OPCML: variants seen among roughly 807,000 people sequenced by gnomAD.
The protein encoded by OPCML is opioid binding protein/cell adhesion molecule like.
A neutral mutation model predicts 37.8 loss-of-function variants in OPCML; 13 were observed. That is an observed-to-expected ratio of 0.34 (90% CI 0.22 to 0.55). The LOEUF (loss-of-function observed/expected upper bound fraction) is 0.55. Among genes scored for constraint, OPCML ranks in the 20% least tolerant of loss-of-function variants. The pLI, the probability that OPCML is intolerant of heterozygous loss-of-function variation, is 0.91. For synonymous variants in OPCML, 176 were observed against 168.8 expected (o/e 1.04, Z -0.33); for missense variants, 341 against 435.6 (o/e 0.78, Z 1.93).
intron 4 of OPCML, among the ~76,000 whole-genome samples, chr11:132,447,823 C>G (rs141568137): frequency 6.6e-6 from 1 of 152,156 alleles, no homozygotes; most frequent in African/African-American, 2.4e-5. Flanking sequence ...AGGGTGTGGC[C>G]GCTCCAATGT....
In OPCML at chr11:132,588,773, C is replaced by T. The variant is rs1349618908; in HGVS notation, c.380-59587G>A. 2.6e-5 allele frequency among the ~76,000 whole-genome samples: 4 copies of T among 152,310 alleles called. 1 individual carries two copies. The East Asian group carries it at 5.8e-4, about 22-fold the overall frequency. On this transcript the variant is annotated intron_variant, in intron 3 of 7. Transcript: ENST00000524381. ...TGAAAGTCTCACCAGGGATTGGCCA[C>T]AGCTTCACCTGTAGCCAGGTTGTGC...
intron 1 of OPCML, among the ~76,000 whole-genome samples, chr11:133,358,472 G>A (rs759380897): frequency 1.1e-4 from 17 of 152,122 alleles, no homozygotes; most frequent in Non-Finnish European, 1.8e-4. Flanking sequence ...TTATTTCTTC[G>A]TCGTCATTTA....
In OPCML at chr11:132,801,853, C is replaced by A. The variant is rs141648191; in HGVS notation, c.146+141073G>T. Among the ~76,000 whole-genome samples, 67 of 152,302 alleles carry A rather than the reference C, an allele frequency of 4.4e-4. No homozygotes were observed. The East Asian group carries it at 0.012, about 27-fold the overall frequency. ...ATGTGCTTATTATGAAAGATAATGT[C>A]TGCCCTCAAAGCAATTACATTTTGA... On this transcript the variant is annotated intron_variant, in intron 2 of 7. Coordinates refer to ENST00000524381, the MANE Select transcript of OPCML (RefSeq NM_001012393.5).
intron 1 of OPCML, among the ~76,000 whole-genome samples, chr11:133,250,382 GA>G (rs1941085499): frequency 6.6e-6 from 1 of 151,072 alleles, no homozygotes; most frequent in Non-Finnish European, 1.5e-5. Context: ...AAAAAGAAAT[GA>G]GGAAGGAAGA....
intron 1 of OPCML, among the ~76,000 whole-genome samples, chr11:133,494,387 C>T (rs1356424581): frequency 6.6e-6 from 1 of 151,552 alleles, no homozygotes; most frequent in Non-Finnish European, 1.5e-5. Flanking sequence ...ACCCAAAGGA[C>T]TATAAATCAT....
At chr11:132,741,793 G>C (rs958146646) in intron 2 of OPCML, among the ~76,000 whole-genome samples, 21 of 152,022 alleles carry the variant, frequency 1.4e-4, no homozygotes, top group South Asian at 6.2e-4. Context: ...TTGGGAGGCC[G>C]AGGCAAGCAG....
intron 1 of OPCML, among the ~76,000 whole-genome samples, chr11:133,388,860 T>G (rs1821948953): frequency 6.6e-6 from 1 of 152,192 alleles, no homozygotes; most frequent in South Asian, 2.1e-4. Context: ...CAAATTAAAT[T>G]TTCTTGAAGA....
At chr11:133,464,482 C>A (rs11223477) in intron 1 of OPCML, among the ~76,000 whole-genome samples, 20,102 of 152,064 alleles carry the variant, frequency 0.13, 3,166 homozygotes, top group African/African-American at 0.37. Flanking sequence ...GGCAGGAGAC[C>A]CTCATTGGAT....
At chr11:133,513,120 T>C (rs1244087776) in intron 1 of OPCML, among the ~76,000 whole-genome samples, 1 of 151,992 alleles carries the variant, frequency 6.6e-6, no homozygotes, top group African/African-American at 2.4e-5. Context: ...AACAGAAGAA[T>C]ATGAAGAGAG....
At chr11:132,426,887 C>G (rs930862085) in intron 7 of OPCML, among the ~76,000 whole-genome samples, 1 of 152,186 alleles carries the variant, frequency 6.6e-6, no homozygotes, top group African/African-American at 2.4e-5. Context: ...TCTTGAGTGG[C>G]AGGTGTTGAC....
At position 133,034,359 on chromosome 11, in the gene OPCML, G is replaced by C. The variant is rs116471048; in HGVS notation, c.62-91349C>G. Among the ~76,000 whole-genome samples, 441 of 150,416 alleles carry C rather than the reference G, an allele frequency of 2.9e-3. 2 individuals carry two copies. Among genetic ancestry groups the C allele is most frequent in the African/African-American group, 0.01 (420 of 40,620 alleles). ...TGTGTGTGACAGACAGAGGGAGAGA[G>C]AGAGACAGAGGGAATGCATGCAAGT... On this transcript the variant is annotated intron_variant, in intron 1 of 7. Coordinates refer to ENST00000524381, the MANE Select transcript of OPCML (RefSeq NM_001012393.5).
chr11:132,623,496 C>A (rs1032609516), intron 3 of OPCML, among the ~76,000 whole-genome samples: 4 of 152,142 alleles, frequency 2.6e-5, no homozygotes, highest in African/African-American at 9.7e-5. Context: ...AAATTGCTCC[C>A]TGGAAAGTAC....
intron 2 of OPCML, among the ~76,000 whole-genome samples, chr11:132,705,035 A>C (rs755172050): frequency 1.3e-5 from 2 of 152,246 alleles, no homozygotes; most frequent in Non-Finnish European, 2.9e-5. Context: ...GATCTGGCTG[A>C]AAGTTAATCA....
intron 1 of OPCML, among the ~76,000 whole-genome samples, chr11:133,516,312 A>G (rs1948270761): frequency 6.6e-6 from 1 of 152,170 alleles, no homozygotes; most frequent in African/African-American, 2.4e-5. Context: ...ATGGCCAGAT[A>G]GTGGCTGAGA....
intron 1 of OPCML, among the ~76,000 whole-genome samples, chr11:133,160,328 T>A (rs934368468): frequency 1.8e-4 from 27 of 152,198 alleles, no homozygotes; most frequent in African/African-American, 6.5e-4. Context: ...ACTTACTATG[T>A]GCAGGCGTTC....
At chr11:133,252,894 T>A (rs1941184128) in intron 1 of OPCML, among the ~76,000 whole-genome samples, 1 of 152,080 alleles carries the variant, frequency 6.6e-6, no homozygotes, top group Non-Finnish European at 1.5e-5. Flanking sequence ...ATGCCTGTAA[T>A]CCCAGCACTT....
chr11:132,956,683 C>T (rs2136709667), intron 1 of OPCML, among the ~76,000 whole-genome samples: 1 of 152,264 alleles, frequency 6.6e-6, no homozygotes, highest in African/African-American at 2.4e-5. Context: ...CTCTGACTAG[C>T]CTCTTTTCGT....
At chr11:133,014,955 G>A (rs952381313) in intron 1 of OPCML, among the ~76,000 whole-genome samples, 2 of 152,160 alleles carry the variant, frequency 1.3e-5, no homozygotes, top group Non-Finnish European at 1.5e-5. Context: ...AAATTTATCA[G>A]TGTGTACCCT....
intron 2 of OPCML, among the ~76,000 whole-genome samples, chr11:132,755,718 TCA>T (rs761527888): frequency 2.6e-5 from 4 of 152,226 alleles, no homozygotes; most frequent in South Asian, 2.1e-4. Context: ...TTGCTATAGC[TCA>T]CACAGTTTGT....
Sources: allele counts gnomAD v4.1 joint callset (sites outside exome capture counted in the v4.1 genomes callset), GRCh38; gene constraint gnomAD v4.1.1; transcripts MANE v1.5; gene names NCBI Gene and HGNC (gene_info 2026-07-23, HGNC 2026-07-21).